LHFPL6: variants seen among roughly 807,000 people sequenced by gnomAD.
The protein encoded by LHFPL6 is LHFPL tetraspan subfamily member 6 protein.
Under a neutral mutation model 20.6 loss-of-function variants are expected in LHFPL6, and 9 were observed. That is an observed-to-expected ratio of 0.44 (90% CI 0.26 to 0.76). The LOEUF (loss-of-function observed/expected upper bound fraction) is 0.76. Among genes scored for constraint, LHFPL6 ranks in the 30% least tolerant of loss-of-function variants. The pLI is 0.20. For synonymous variants in LHFPL6, 105 were observed against 98.7 expected, an observed-to-expected ratio of 1.06 and a Z score of -0.38; for missense variants, 218 against 253.5, an observed-to-expected ratio of 0.86 and a Z score of 0.95.
At chr13:39,408,995 G>C (rs9576793) in intron 2 of LHFPL6, among the ~76,000 whole-genome samples, 41,822 of 152,104 alleles carry the variant, frequency 0.27, 6,091 homozygotes, top group East Asian at 0.4. Flanking sequence ...CATTTGTGCA[G>C]GATAGTGGGA....
chr13:39,405,678 TACAA>T (rs1288201041), intron 2 of LHFPL6, among the ~76,000 whole-genome samples: 1 of 152,150 alleles, frequency 6.6e-6, no homozygotes. Flanking sequence ...AAAGCTGTCA[TACAA>T]ACAAACAGAC....
intron 3 of LHFPL6, among the ~76,000 whole-genome samples, chr13:39,368,734 T>C (rs528146510): frequency 1.3e-5 from 2 of 152,308 alleles, no homozygotes; most frequent in African/African-American, 4.8e-5. Flanking sequence ...GCATCATTAA[T>C]GACTGCAATG....
chr13:39,429,949 C>T (rs113378425), intron 2 of LHFPL6, among the ~76,000 whole-genome samples: 4 of 152,346 alleles, frequency 2.6e-5, no homozygotes, highest in South Asian at 2.1e-4. Flanking sequence ...ACCCTCCTTG[C>T]AATCAATCAG....
chr13:39,574,292 C>G lies in LHFPL6; in HGVS notation c.385+26540G>C, dbSNP rs912296271. 2.6e-5 allele frequency among the ~76,000 whole-genome samples: 4 copies of G among 152,006 alleles called. No individual in the cohort carries two copies. In the East Asian group the frequency reaches 5.8e-4, roughly 22 times the overall value. On this transcript the variant is annotated intron_variant, in intron 2 of 3. Coordinates refer to ENST00000379589, the MANE Select transcript of LHFPL6 (RefSeq NM_005780.3). ...GGTCAGGAGAACAAGATCATCCTGG[C>G]TAACATGGTGAAACCCCGTCTCTAC...
chr13:39,380,080 T>C (rs1870399230), intron 2 of LHFPL6, among the ~76,000 whole-genome samples: 1 of 152,182 alleles, frequency 6.6e-6, no homozygotes, highest in Non-Finnish European at 1.5e-5. Context: ...TAAAGACAAC[T>C]CCAAACTAGT....
chr13:39,479,464 C>T (rs1868430447), intron 2 of LHFPL6, among the ~76,000 whole-genome samples: 3 of 152,056 alleles, frequency 2.0e-5, no homozygotes, highest in Admixed American at 1.3e-4. Context: ...CTTGGGATCA[C>T]TGCAAAGCTG....
intron 3 of LHFPL6, among the ~76,000 whole-genome samples, chr13:39,364,591 T>G (rs913291888): frequency 4.6e-5 from 7 of 152,200 alleles, no homozygotes; most frequent in Non-Finnish European, 8.8e-5. Context: ...TGAATTCTTA[T>G]GATCACACCA....
intron 2 of LHFPL6, among the ~76,000 whole-genome samples, chr13:39,458,558 T>G (rs1872622527): frequency 6.6e-6 from 1 of 151,472 alleles, no homozygotes; most frequent in Admixed American, 6.6e-5. Flanking sequence ...AATGAACCAG[T>G]CATGGGGGCC....
chr13:39,460,764 G>A (rs567955397), intron 2 of LHFPL6, among the ~76,000 whole-genome samples: 76 of 152,328 alleles, frequency 5.0e-4, no homozygotes, highest in African/African-American at 1.5e-3. Flanking sequence ...GAAAAGACTT[G>A]CTCTGTGTTT....
intron 2 of LHFPL6, among the ~76,000 whole-genome samples, chr13:39,380,824 T>C (rs1870419049): frequency 6.6e-6 from 1 of 152,024 alleles, no homozygotes; most frequent in African/African-American, 2.4e-5. Context: ...GCACGAACCC[T>C]ATTGTGAACT....
chr13:39,441,712 G>T (rs1275454058), intron 2 of LHFPL6, among the ~76,000 whole-genome samples: 1 of 151,160 alleles, frequency 6.6e-6, no homozygotes, highest in East Asian at 2.0e-4. Context: ...TAGGATTTCA[G>T]CATGTGTCTC....
chr13:39,402,372 G>C (rs994749000), intron 2 of LHFPL6, among the ~76,000 whole-genome samples: 1 of 152,044 alleles, frequency 6.6e-6, no homozygotes, highest in Non-Finnish European at 1.5e-5. Context: ...CTATAGGCAC[G>C]CACCACTATG....
At chr13:39,358,477 G>C (rs1389943197) in intron 3 of LHFPL6, among the ~76,000 whole-genome samples, 1 of 152,078 alleles carries the variant, frequency 6.6e-6, no homozygotes, top group African/African-American at 2.4e-5. Flanking sequence ...TTCAACATAG[G>C]TGTGGGTAAA....
chr13:39,601,659 G>A (rs937749959), intron 1 of LHFPL6, among the ~76,000 whole-genome samples: 6 of 152,048 alleles, frequency 3.9e-5, no homozygotes, highest in Non-Finnish European at 8.8e-5. Context: ...TATTTGACAG[G>A]CCAATGAATT....
intron 2 of LHFPL6, among the ~76,000 whole-genome samples, chr13:39,437,434 T>G (rs2138410661): frequency 6.6e-6 from 1 of 152,308 alleles, no homozygotes; most frequent in South Asian, 2.1e-4. Flanking sequence ...TTCCTCTTGC[T>G]TTGGCTATGG....
intron 2 of LHFPL6, among the ~76,000 whole-genome samples, chr13:39,590,122 A>G (rs1872554631): frequency 6.6e-6 from 1 of 152,200 alleles, no homozygotes; most frequent in South Asian, 2.1e-4. Flanking sequence ...CTAATGGGAT[A>G]ACTTTGGTTT....
At chr13:39,411,159 C>T (rs1871234308) in intron 2 of LHFPL6, among the ~76,000 whole-genome samples, 1 of 152,140 alleles carries the variant, frequency 6.6e-6, no homozygotes, top group Admixed American at 6.5e-5. Flanking sequence ...GCTCTATGTA[C>T]GAATATGCAC....
chr13:39,470,791 C>T (rs1268507894), intron 2 of LHFPL6, among the ~76,000 whole-genome samples: 1 of 152,190 alleles, frequency 6.6e-6, no homozygotes, highest in African/African-American at 2.4e-5. Flanking sequence ...GATTTCAAAA[C>T]AAGTTTAATA....
At chr13:39,565,850 C>A (rs1376051717) in intron 2 of LHFPL6, among the ~76,000 whole-genome samples, 4 of 152,200 alleles carry the variant, frequency 2.6e-5, no homozygotes, top group African/African-American at 9.7e-5. Context: ...TGGGTTCCAA[C>A]CCACTGTACG....
Sources: gnomAD v4.1 joint callset for allele counts (sites outside exome capture counted in the v4.1 genomes callset) on GRCh38, gnomAD v4.1.1 for gene constraint, MANE v1.5 for transcripts, NCBI Gene and HGNC (gene_info 2026-07-23, HGNC 2026-07-21) for gene names.